DPP6: variants seen among roughly 807,000 people sequenced by gnomAD.
DPP6 encodes the protein A-type potassium channel modulatory protein DPP6.
A neutral mutation model predicts 122.6 loss-of-function variants in DPP6; 69 were observed. That is an observed-to-expected ratio of 0.56 (90% confidence interval 0.46 to 0.69). The LOEUF is 0.69. Among genes scored for constraint, DPP6 ranks in the 30% least tolerant of loss-of-function variants. The pLI, the probability that DPP6 is intolerant of heterozygous loss-of-function variation, is 0.00. For synonymous variants in DPP6, 418 were observed against 433.1 expected (o/e 0.97, Z 0.43); for missense variants, 928 against 1,116.9 (o/e 0.83, Z 2.41).
the DPP6 span, among the ~76,000 whole-genome samples, chr7:153,867,225 A>C: frequency 1.3e-5 from 2 of 152,144 alleles, no homozygotes; most frequent in African/African-American, 2.4e-5. Flanking sequence ...CATTGAATCT[A>C]TAAATTACCT....
intron 1 of DPP6, among the ~76,000 whole-genome samples, chr7:154,279,181 G>A (rs1406857807): frequency 6.6e-6 from 1 of 152,028 alleles, no homozygotes; most frequent in Non-Finnish European, 1.5e-5. Context: ...GTGTGCATAT[G>A]TATATGGACA....
At chr7:153,930,306 G>A (rs1205570430) in intron 1 of DPP6, among the ~76,000 whole-genome samples, 2 of 152,122 alleles carry the variant, frequency 1.3e-5, no homozygotes, top group Non-Finnish European at 2.9e-5. Flanking sequence ...GGATGCACTA[G>A]CATTATTCAT....
At chr7:153,989,621 C>G (rs1351638976) in intron 1 of DPP6, among the ~76,000 whole-genome samples, 2 of 151,966 alleles carry the variant, frequency 1.3e-5, no homozygotes, top group Non-Finnish European at 2.9e-5. Flanking sequence ...GTGCTCACAG[C>G]TGGGGCGAGT....
intron 18 of DPP6, among the ~76,000 whole-genome samples, chr7:154,870,746 T>C (rs1483895038): frequency 6.6e-6 from 1 of 151,992 alleles, no homozygotes; most frequent in Non-Finnish European, 1.5e-5. Flanking sequence ...GCGGATCACT[T>C]GAGGTCAGGA....
chr7:153,775,966 G>T, the DPP6 span, among the ~76,000 whole-genome samples: 1 of 152,068 alleles, frequency 6.6e-6, no homozygotes, highest in Non-Finnish European at 1.5e-5. Flanking sequence ...TTGTTTGGGA[G>T]ATCTAATATT....
chr7:153,848,360 G>A, the DPP6 span, among the ~76,000 whole-genome samples: 1 of 149,556 alleles, frequency 6.7e-6, no homozygotes, highest in African/African-American at 2.5e-5. Flanking sequence ...TAACTTATCT[G>A]GATCAATTCC....
At chr7:153,842,423 C>T in the DPP6 span, among the ~76,000 whole-genome samples, 1 of 151,732 alleles carries the variant, frequency 6.6e-6, no homozygotes, top group African/African-American at 2.4e-5. Flanking sequence ...TTCTCATTTG[C>T]CTTATAGGTT....
chr7:154,242,502 CT>C (rs1218013893), intron 1 of DPP6, among the ~76,000 whole-genome samples: 1 of 152,148 alleles, frequency 6.6e-6, no homozygotes, highest in Non-Finnish European at 1.5e-5. Context: ...GCATTTCCTC[CT>C]GGCATAAACA....
intron 1 of DPP6, among the ~76,000 whole-genome samples, chr7:154,043,977 A>G (rs1799895638): frequency 6.8e-6 from 1 of 147,052 alleles, no homozygotes; most frequent in East Asian, 2.0e-4. Flanking sequence ...GCTGCAGAGG[A>G]CTGAGTTAAT....
chr7:154,125,565 G>C (rs1807819374), intron 1 of DPP6, among the ~76,000 whole-genome samples: 1 of 152,124 alleles, frequency 6.6e-6, no homozygotes, highest in Non-Finnish European at 1.5e-5. Flanking sequence ...CCTCTTACAA[G>C]GAAGTCATCG....
intron 1 of DPP6, among the ~76,000 whole-genome samples, chr7:154,151,931 G>A (rs1349966897): frequency 1.3e-5 from 2 of 151,398 alleles, no homozygotes; most frequent in Non-Finnish European, 2.9e-5. Context: ...CTGCCTACGA[G>A]ATCAACCCCA....
At position 154,803,910 on chromosome 7, in the gene DPP6, G is replaced by A; in HGVS notation, c.1454G>A (p.Trp485Ter). The A allele has an allele frequency of 6.2e-7, 1 of 1,613,926 alleles. No homozygotes were observed. Among genetic ancestry groups the A allele is most frequent in the Non-Finnish European group, 8.5e-7 (1 of 1,179,848 alleles). Reference sequence around the variant, plus strand: ...ATCCAGTCCATCACCTCCGGGGACTGGGACGTGACCAAGATCCTAGCCTAC... The same window carrying A: ...ATCCAGTCCATCACCTCCGGGGACTAGGACGTGACCAAGATCCTAGCCTAC... Reference protein sequence around the residue: ...DNIQSITSGDWDVTKILAYDE... With the variant: ...DNIQSITSGD The change falls in exon 14 of 26, where the codon TGG becomes TAG. Residue 485 changes from tryptophan to a stop codon, truncating the protein, a stop_gained. Transcript: ENST00000377770. LOFTEE classifies it high-confidence loss of function.
At chr7:154,812,918 C>T (rs1272983553) in intron 16 of DPP6, among the ~76,000 whole-genome samples, 1 of 152,118 alleles carries the variant, frequency 6.6e-6, no homozygotes, top group East Asian at 1.9e-4. Flanking sequence ...AACATTTCTT[C>T]AGCGGCTTCT....
intron 1 of DPP6, among the ~76,000 whole-genome samples, chr7:153,978,919 G>C (rs373619929): frequency 0.031 from 4,637 of 151,102 alleles, 135 homozygotes; most frequent in African/African-American, 0.082. Context: ...ATCTGTTTTG[G>C]TAACAGTACC....
chr7:154,350,939 C>T (rs772293927), intron 1 of DPP6, among the ~76,000 whole-genome samples: 2 of 152,152 alleles, frequency 1.3e-5, no homozygotes, highest in Admixed American at 6.5e-5. Context: ...TGCACTCCTG[C>T]GCTGAGGCTG....
intron 1 of DPP6, among the ~76,000 whole-genome samples, chr7:154,431,946 C>T (rs1445307402): frequency 2.0e-5 from 3 of 152,176 alleles, no homozygotes; most frequent in African/African-American, 7.2e-5. Context: ...TAGCCCTGGG[C>T]TCTGTGGTTT....
At chr7:153,919,936 C>T (rs930477681) in intron 1 of DPP6, among the ~76,000 whole-genome samples, 2 of 152,170 alleles carry the variant, frequency 1.3e-5, no homozygotes, top group Admixed American at 1.3e-4. Flanking sequence ...TTTTCAGGTC[C>T]TAGACACACC....
At chr7:154,306,306 C>T (rs1806342948) in intron 1 of DPP6, among the ~76,000 whole-genome samples, 1 of 152,224 alleles carries the variant, frequency 6.6e-6, no homozygotes, top group Non-Finnish European at 1.5e-5. Context: ...GCCGCTTCAC[C>T]ACGCGTGTAG....
intron 25 of DPP6, 196 bp downstream of exon 25, chr7:154,889,726 C>A: frequency 1.2e-6 from 1 of 831,960 alleles, no homozygotes; most frequent in Non-Finnish European, 1.8e-6. Context: ...TAGCTCCGCT[C>A]TGTACTTCAG....
Sources: allele counts gnomAD v4.1 joint callset (sites outside exome capture counted in the v4.1 genomes callset), GRCh38; gene constraint gnomAD v4.1.1; transcripts MANE v1.5; gene names NCBI Gene and HGNC (gene_info 2026-07-23, HGNC 2026-07-21).